Variants in ACACA observed in about 807,000 individuals in gnomAD.
ACACA encodes acetyl-CoA carboxylase 1.
Under a neutral mutation model 296.1 loss-of-function variants are expected in ACACA, and 103 were observed. The ratio of observed to expected loss-of-function variants is 0.35; its 90% CI spans 0.30 to 0.41. The LOEUF (loss-of-function observed/expected upper bound fraction) is 0.41, where lower values mean the gene tolerates loss of function less well. Among genes scored for constraint, ACACA ranks in the 10% least tolerant of loss-of-function variants. The probability of loss-of-function intolerance (pLI) is 1.00; values close to 1 mark genes in which losing one functional copy is unlikely to be tolerated. For missense variants in ACACA, 1,554 were observed against 2,989.7 expected, an observed-to-expected ratio of 0.52 and a Z score of 11.20; for synonymous variants, 953 against 1,038.6, an observed-to-expected ratio of 0.92 and a Z score of 1.58.
At chr17:37,207,936 C>G in intron 30 of ACACA, 136 bp from the exon 31 acceptor site, 1 of 934,128 alleles carries the variant, frequency 1.1e-6, no homozygotes, top group South Asian at 1.4e-5. Flanking sequence ...TTTTTTTACC[C>G]ACTATGGATA....
intron 41 of ACACA, among the ~76,000 whole-genome samples, chr17:37,165,597 A>C (rs1037875140): frequency 1.8e-4 from 27 of 151,300 alleles, no homozygotes; most frequent in Admixed American, 5.3e-4. Flanking sequence ...TCCAAATTCC[A>C]TTTCCTCAGT....
At chr17:37,280,319 C>A (rs1481290362) in intron 5 of ACACA, among the ~76,000 whole-genome samples, 2 of 152,236 alleles carry the variant, frequency 1.3e-5, no homozygotes, top group East Asian at 1.9e-4. Flanking sequence ...AGTGATTCTC[C>A]CACCTCAGCC....
chr17:37,358,841 G>T (rs1367863324), intron 1 of ACACA, among the ~76,000 whole-genome samples: 2 of 152,200 alleles, frequency 1.3e-5, no homozygotes, highest in Non-Finnish European at 2.9e-5. Flanking sequence ...CTGCGGGAAG[G>T]GCTGGGCTGC....
At chr17:37,244,848 G>C in intron 20 of ACACA, 114 bp from the exon 21 acceptor site, 1 of 1,467,534 alleles carries the variant, frequency 6.8e-7, no homozygotes, top group South Asian at 1.1e-5. Context: ...CAGCTACCAG[G>C]AGGGAAGTCA....
chr17:37,275,175 A>G (rs1377212206), intron 8 of ACACA, among the ~76,000 whole-genome samples: 3 of 152,210 alleles, frequency 2.0e-5, no homozygotes, highest in Admixed American at 6.5e-5. Context: ...AGTCAAATCA[A>G]ATCATCAATA....
intron 3 of ACACA, among the ~76,000 whole-genome samples, chr17:37,321,751 A>T (rs1567992757): frequency 6.6e-6 from 1 of 151,610 alleles, no homozygotes. Context: ...CCATCTCAAA[A>T]AAATAAATAA....
chr17:37,181,374 G>A lies in ACACA; in HGVS notation c.4777-18C>T. ...AACATGATCTGCAGGAAAAAAAAAT[G>A]GCATGGGGAGTTAAGAGACAGAAAA... is the stretch of plus-strand genomic sequence containing the variant. On this transcript the variant is annotated intron_variant, in intron 39 of 55. Transcript: ENST00000616317. 1 of 1,613,302 alleles carries A rather than the reference G, an allele frequency of 6.2e-7. No individual in the cohort carries two copies. The highest frequency in any genetic ancestry group is 8.5e-7 in the Non-Finnish European group (1 of 1,179,670).
rs2077846483 is a variant in ACACA, at chr17:37,193,429, G to A, written c.4159-14C>T. The A allele has an allele frequency of 6.3e-7, 1 of 1,591,992 alleles. No homozygotes were observed. Among genetic ancestry groups the A allele is most frequent in the African/African-American group, 1.3e-5 (1 of 74,476 alleles). On this transcript the variant is annotated splice_polypyrimidine_tract_variant and intron_variant, in intron 35 of 55. Coordinates refer to ENST00000616317, the MANE Select transcript of ACACA (RefSeq NM_198834.3). ...AGGGAATTCTCTCTGTATTAAAGAAGGGGGAAAAATGTGTCAGTAGTTCAT... is the reference window on the plus strand; with the variant it reads ...AGGGAATTCTCTCTGTATTAAAGAAAGGGGAAAAATGTGTCAGTAGTTCAT...
intron 10 of ACACA, among the ~76,000 whole-genome samples, chr17:37,270,149 C>T (rs1399778963): frequency 6.6e-6 from 1 of 152,198 alleles, no homozygotes; most frequent in Non-Finnish European, 1.5e-5. Context: ...GAGTCACTCT[C>T]AGTTCCTATA....
chr17:37,168,916 G>A (rs8071315), intron 41 of ACACA, among the ~76,000 whole-genome samples: 1 of 151,974 alleles, frequency 6.6e-6, no homozygotes, highest in Non-Finnish European at 1.5e-5. Flanking sequence ...AGAACAGTGC[G>A]TATCAGCTAA....
intron 1 of ACACA, chr17:37,359,214 A>T (rs1198398877): frequency 1.1e-6 from 1 of 874,162 alleles, no homozygotes; most frequent in African/African-American, 1.8e-5. Flanking sequence ...TGAGGTGACT[A>T]CGTCCGGGGT....
intron 1 of ACACA, among the ~76,000 whole-genome samples, chr17:37,342,436 A>AAAAAAAAATATATAT (rs1555652530): frequency 1.7e-5 from 1 of 58,204 alleles, no homozygotes. Flanking sequence ...AAAAAAAAAA[A>AAAAAAAAATATATAT]ATATATATAT....
rs886957241 is a variant in ACACA at position 37,221,814 on chromosome 17, T to C, written c.3593A>G (p.Tyr1198Cys). ...EVYVRRAYIA[Y>C]ELNSVQHRQL... ...GCGGTGTTGTACGCTGTTAAGTTCATAGGCAATATAAGCCCTTCGAACATA... is the reference window on the plus strand; with the variant it reads ...GCGGTGTTGTACGCTGTTAAGTTCACAGGCAATATAAGCCCTTCGAACATA... Residue 1198 changes from tyrosine to cysteine, a missense_variant, in exon 29 of 56, where the codon TAT becomes TGT. Tyr to Cys is a radical substitution (Grantham distance 194, BLOSUM62 -2). Around this residue, in one of 16 missense-constraint regions of ACACA, gnomAD observed 42 missense variants for 147.5 expected, o/e 0.28. Transcript: ENST00000616317. The C allele has an allele frequency of 5.0e-6, 8 of 1,614,102 alleles. No individual in the cohort carries two copies. Among genetic ancestry groups the C allele is most frequent in the Non-Finnish European group, 6.8e-6 (8 of 1,179,950 alleles).
Position 37,097,742 on chromosome 17 carries a change from G to A in ACACA, c.6720+88C>T. 2 of 1,535,428 alleles carry A rather than the reference G, an allele frequency of 1.3e-6. No homozygotes were observed. The highest frequency in any genetic ancestry group is 1.8e-6 in the Non-Finnish European group (2 of 1,119,076). On this transcript the variant is annotated intron_variant, in intron 53 of 55. Coordinates refer to ENST00000616317, the MANE Select transcript of ACACA (RefSeq NM_198834.3). The surrounding 1 kb of genome is among the most constrained non-coding windows in gnomAD (Gnocchi z 4.8). ...AAGTTGTTTTAATTTGGCCCTCATA[G>A]CTCCCTGCTTATGAGCCTGTGTGCA...
At chr17:37,319,642 G>T (rs1036632122) in intron 3 of ACACA, among the ~76,000 whole-genome samples, 1 of 151,792 alleles carries the variant, frequency 6.6e-6, no homozygotes, top group African/African-American at 2.4e-5. Flanking sequence ...GGGCAACGTG[G>T]TGAGACCCCA....
intron 22 of ACACA, among the ~76,000 whole-genome samples, chr17:37,242,752 TA>T (rs1238011198): frequency 1.3e-5 from 2 of 148,518 alleles, no homozygotes; most frequent in East Asian, 4.0e-4. Context: ...AATAAATAAA[TA>T]AACAGCTGGG....
At position 37,151,306 on chromosome 17, in the gene ACACA, T is replaced by C. The variant is rs764690846; in HGVS notation, c.5563A>G (p.Ser1855Gly). ...CACATTCTGGAAAGATTTACCAGGC[T>C]GATGGTAATGATCTCATTATAGGCC... ...SLAYNEIITISLVTCRAIGIG... is the reference protein window; with the variant it reads ...SLAYNEIITIGLVTCRAIGIG... The change falls in exon 44 of 56, where the codon AGC (serine) becomes GGC (glycine). Residue 1855 changes from serine to glycine, a missense_variant. By Grantham distance (56) the Ser-to-Gly change is moderately conservative. This residue lies in a region of ACACA where 553 missense variants were observed against 1,043.6 expected (regional missense o/e 0.53). Coordinates refer to ENST00000616317, the MANE Select transcript of ACACA (RefSeq NM_198834.3). 1.8e-5 allele frequency: 29 copies of C among 1,613,998 alleles called. 1 individual carries two copies. Among genetic ancestry groups the C allele is most frequent in the Non-Finnish European group, 2.5e-5 (29 of 1,179,984 alleles).
intron 20 of ACACA, 132 bp downstream of exon 20, chr17:37,244,948 C>T (rs897599947): frequency 3.5e-6 from 5 of 1,413,100 alleles, no homozygotes; most frequent in Non-Finnish European, 5.0e-6. Flanking sequence ...GGCACAAATA[C>T]AAGGCATAAG....
intron 1 of ACACA, among the ~76,000 whole-genome samples, chr17:37,400,590 T>G (rs1056492313): frequency 2.0e-5 from 3 of 152,342 alleles, no homozygotes; most frequent in South Asian, 2.1e-4. Context: ...CTTTTTTAGA[T>G]GCCACACATA....
Sources: allele counts gnomAD v4.1 joint callset (sites outside exome capture counted in the v4.1 genomes callset), GRCh38; gene constraint gnomAD v4.1.1; regional missense constraint gnomAD v4.1.1; non-coding constraint Gnocchi (gnomAD v3.1); transcripts MANE v1.5; gene names NCBI Gene and HGNC (gene_info 2026-07-23, HGNC 2026-07-21).